The following SLC47A2 variants were observed in gnomAD, a reference collection of about 807,000 sequenced individuals.
SLC47A2 encodes the protein solute carrier family 47 member 2.
SLC47A2 carries 52 observed loss-of-function variants against 67.7 expected under a neutral mutation model. The ratio of observed to expected loss-of-function variants is 0.77; its 90% confidence interval spans 0.61 to 0.97. The LOEUF (loss-of-function observed/expected upper bound fraction) is 0.97. SLC47A2 is among the 50% of genes least tolerant of loss of function. The pLI is 0.00. For synonymous variants in SLC47A2, 278 were observed against 292.9 expected (o/e 0.95, Z 0.52); for missense variants, 676 against 712.3 (o/e 0.95, Z 0.58).
At chr17:19,705,296 T>C (rs1276571011) in intron 10 of SLC47A2, 140 bp downstream of exon 10, 3 of 810,572 alleles carry the variant, frequency 3.7e-6, no homozygotes, top group Non-Finnish European at 5.9e-6. Flanking sequence ...GAGCAGGGTC[T>C]GGACCTGGTG....
intron 9 of SLC47A2, 67 bp from the exon 10 acceptor site, chr17:19,705,570 C>A: frequency 6.8e-7 from 1 of 1,471,656 alleles, no homozygotes; most frequent in Non-Finnish European, 9.1e-7. Flanking sequence ...GCCGACAGGA[C>A]GCTGCTTTGC....
rs757161308 is a variant in SLC47A2, at chr17:19,681,672, T to C, written c.1165-2A>G. ...TCTCAGAACTCCGCCATAGACACAC[T>C]AGGAGGGGAGACAGAAATGGGCAAG... is the stretch of plus-strand genomic sequence containing the variant. On this transcript the variant is annotated splice_acceptor_variant, in intron 13 of 16. Coordinates refer to ENST00000433844, the MANE Select transcript of SLC47A2 (RefSeq NM_001099646.3). LOFTEE classifies it high-confidence loss of function. 15 of 1,607,364 alleles carry C rather than the reference T, an allele frequency of 9.3e-6. No individual in the cohort carries two copies. Among genetic ancestry groups the C allele is most frequent in the Admixed American group, 5.0e-5 (3 of 59,650 alleles).
At chr17:19,712,680 G>A (rs202066716) in intron 5 of SLC47A2, 23 bp downstream of exon 5, 24 of 1,611,412 alleles carry the variant, frequency 1.5e-5, no homozygotes, top group African/African-American at 5.3e-5. Context: ...GTGATTCCAC[G>A]CTCAGCAAAC....
At chr17:19,693,952 C>A (rs536305506) in intron 13 of SLC47A2, among the ~76,000 whole-genome samples, 1 of 152,066 alleles carries the variant, frequency 6.6e-6, no homozygotes, top group African/African-American at 2.4e-5. Context: ...GATAAAGGAT[C>A]AATAATCAAA....
intron 13 of SLC47A2, among the ~76,000 whole-genome samples, chr17:19,692,087 A>G (rs145415101): frequency 0.023 from 3,478 of 152,104 alleles, 72 homozygotes; most frequent in African/African-American, 0.052. Context: ...AATTAGCCAG[A>G]TGTGGTGGTG....
Position 19,685,254 on chromosome 17 carries a change from C to G in SLC47A2, c.1165-3584G>C, listed in dbSNP as rs1454311806. Among the ~76,000 whole-genome samples, 1 of 152,080 alleles carries G rather than the reference C, an allele frequency of 6.6e-6. No homozygotes were observed. Among genetic ancestry groups the G allele is most frequent in the Non-Finnish European group, 1.5e-5 (1 of 68,002 alleles). On this transcript the variant is annotated intron_variant, in intron 13 of 16. Transcript: ENST00000433844. This position sits in a 1 kb window ranked among gnomAD's most constrained non-coding sequence, Gnocchi z 4.5. ...CAAAGTGCTAAGATTACAGCCTCTG[C>G]CCGCCCGCCACCCCATCTAGGAAGT...
chr17:19,681,132 G>A (rs1248702979), intron 15 of SLC47A2, among the ~76,000 whole-genome samples: 3 of 152,146 alleles, frequency 2.0e-5, no homozygotes, highest in Non-Finnish European at 4.4e-5. Flanking sequence ...AGAATGGCAT[G>A]TACCCAGAAA....
intron 8 of SLC47A2, among the ~76,000 whole-genome samples, chr17:19,707,346 C>T (rs901956079): frequency 1.3e-5 from 2 of 152,208 alleles, no homozygotes; most frequent in Admixed American, 6.5e-5. Context: ...ACTTAACCTC[C>T]GTCTGTCATA....
chr17:19,711,679 T>C (rs1240757478), intron 5 of SLC47A2, among the ~76,000 whole-genome samples: 1 of 148,520 alleles, frequency 6.7e-6, no homozygotes, highest in Non-Finnish European at 1.5e-5. Flanking sequence ...TTAATAATAA[T>C]AGTCTATGCT....
intron 7 of SLC47A2, 96 bp from the exon 8 acceptor site, chr17:19,707,939 G>A (rs892487794): frequency 1.8e-6 from 2 of 1,139,010 alleles, no homozygotes; most frequent in East Asian, 2.6e-5. Context: ...GCCCGTGTGG[G>A]GCAGGCATGG....
intron 6 of SLC47A2, 69 bp from the exon 7 acceptor site, chr17:19,708,468 T>C (rs2152355948): frequency 6.2e-7 from 1 of 1,613,972 alleles, no homozygotes; most frequent in South Asian, 1.1e-5. Context: ...AAACCCGGGG[T>C]TTGGAATGGG....
chr17:19,713,457 G>A (rs953305858), intron 4 of SLC47A2, among the ~76,000 whole-genome samples: 6 of 152,082 alleles, frequency 3.9e-5, no homozygotes, highest in African/African-American at 1.2e-4. Flanking sequence ...AAAAGTGGTT[G>A]TCATCTTTCT....
At chr17:19,694,915 C>CAA (rs34430678) in intron 13 of SLC47A2, among the ~76,000 whole-genome samples, 252 of 122,082 alleles carry the variant, frequency 2.1e-3, no homozygotes, top group South Asian at 7.3e-3. Context: ...GACTCCATCT[C>CAA]AAAAAAAAAA....
rs2085411944 is a variant in SLC47A2, at chr17:19,685,614, A to G, written c.1165-3944T>C. 6.6e-6 allele frequency among the ~76,000 whole-genome samples: 1 copy of G among 152,192 alleles called. No individual in the cohort carries two copies. The highest frequency in any genetic ancestry group is 1.5e-5 in the Non-Finnish European group (1 of 68,038). On this transcript the variant is annotated intron_variant, in intron 13 of 16. Transcript: ENST00000433844. The surrounding 1 kb of genome is among the most constrained non-coding windows in gnomAD (Gnocchi z 4.5). ...ATGCTTGAAGGCAGCATGCTCATTA[A>G]GAGTCATCACCACTCCCTAATCTCA...
intron 10 of SLC47A2, chr17:19,704,533 A>G (rs1567628394): frequency 9.2e-7 from 1 of 1,089,628 alleles, no homozygotes. Context: ...CCTGTAAGAA[A>G]AAAGATATTT....
intron 13 of SLC47A2, chr17:19,692,321 A>C (rs905857636): frequency 2.3e-6 from 1 of 434,228 alleles, no homozygotes; most frequent in African/African-American, 2.1e-5. Context: ...AAACAAAGAG[A>C]GTTAGACATA....
upstream of SLC47A2, chr17:19,718,544 G>A (rs966078246): frequency 1.3e-5 from 2 of 152,264 alleles, no homozygotes; most frequent in African/African-American, 4.8e-5. Context: ...GCCAGTCCTA[G>A]GCCGAGCATC....
chr17:19,700,523 G>A (rs1388921079), intron 13 of SLC47A2, among the ~76,000 whole-genome samples: 2 of 152,160 alleles, frequency 1.3e-5, no homozygotes, highest in African/African-American at 2.4e-5. Context: ...GCACTTTGGG[G>A]GCCAAGGCAG....
intron 13 of SLC47A2, among the ~76,000 whole-genome samples, chr17:19,699,402 TG>T (rs1450943040): frequency 6.6e-6 from 1 of 152,122 alleles, no homozygotes; most frequent in Admixed American, 6.5e-5. Flanking sequence ...TTTTTAGAGA[TG>T]GGGGTCTCAC....
Sources: allele counts gnomAD v4.1 joint callset (sites outside exome capture counted in the v4.1 genomes callset), GRCh38; gene constraint gnomAD v4.1.1; non-coding constraint Gnocchi (gnomAD v3.1); transcripts MANE v1.5; gene names NCBI Gene and HGNC (gene_info 2026-07-23, HGNC 2026-07-21).